STX7: variants seen among roughly 807,000 people sequenced by gnomAD.
The protein encoded by STX7 is syntaxin 7.
A neutral mutation model predicts 39.6 loss-of-function variants in STX7; 34 were observed. The ratio of observed to expected loss-of-function variants is 0.86; its 90% confidence interval spans 0.65 to 1.14. The LOEUF (loss-of-function observed/expected upper bound fraction) is 1.14. Among genes scored for constraint, STX7 ranks in the 50% most tolerant of loss-of-function variants. STX7 has a pLI of 0.00. For synonymous variants in STX7, 119 were observed against 99.1 expected (o/e 1.20, Z -1.19); for missense variants, 284 against 310.4 (o/e 0.92, Z 0.64).
intron 1 of STX7, among the ~76,000 whole-genome samples, chr6:132,512,462 T>G (rs140421411): frequency 2.0e-5 from 3 of 152,202 alleles, no homozygotes; most frequent in African/African-American, 7.2e-5. Flanking sequence ...AATGTCAAAG[T>G]ATGTTAAAGT....
At chr6:132,472,397 T>C in intron 3 of STX7, 22 bp from the exon 4 acceptor site, 1 of 1,578,870 alleles carries the variant, frequency 6.3e-7, no homozygotes. Context: ...AAACACGCAT[T>C]ACAGCCAAAG....
chr6:132,486,855 C>CA (rs1462729221), intron 2 of STX7, among the ~76,000 whole-genome samples: 13 of 152,088 alleles, frequency 8.5e-5, no homozygotes, highest in Admixed American at 7.9e-4. Context: ...TTAGTAGAGA[C>CA]AGAGTTTCAC....
At chr6:132,489,223 A>AG (rs1226163339) in intron 2 of STX7, among the ~76,000 whole-genome samples, 1 of 145,042 alleles carries the variant, frequency 6.9e-6, no homozygotes, top group Admixed American at 6.8e-5. Flanking sequence ...AAAAAAAAAA[A>AG]AAGGATGATA....
intron 2 of STX7, among the ~76,000 whole-genome samples, chr6:132,493,221 C>T (rs972015329): frequency 2.6e-5 from 4 of 152,084 alleles, no homozygotes; most frequent in African/African-American, 4.8e-5. Context: ...CCAAGACTTG[C>T]AGAATAATAT....
rs1429330469 is a variant in STX7 at position 132,459,041 on chromosome 6, A to T, written c.*1717T>A. ...AGCCATGGGGATGGGACTTTAAAAC[A>T]GCGGTAAGACGCTGGTTTATCACCA... On this transcript the variant is annotated 3_prime_UTR_variant, in exon 10 of 10. Coordinates refer to ENST00000367941, the MANE Select transcript of STX7 (RefSeq NM_003569.3). 2 of 152,218 alleles carry T rather than the reference A, an allele frequency of 1.3e-5. No individual in the cohort carries two copies. Among genetic ancestry groups the T allele is most frequent in the African/African-American group, 4.8e-5 (2 of 41,454 alleles). 9.4% of individuals were successfully genotyped at this position (152,218 alleles called of 1,614,324 possible).
rs1774014889 is a variant in STX7, at chr6:132,446,487, T to C, written c.*14271A>G. On this transcript the variant is annotated 3_prime_UTR_variant, in exon 10 of 10. Transcript: ENST00000367941. ...ACAAGAATGAGGTTTTAAGAGATAA[T>C]CTTTGTTTCTAATTAAGTGTGGAAG... 6.6e-6 allele frequency: 1 copy of C among 152,184 alleles called. No individual in the cohort carries two copies. Among genetic ancestry groups the C allele is most frequent in the Non-Finnish European group, 1.5e-5 (1 of 68,036 alleles). The allele number at this position is 152,184 out of a possible 1,614,324, so 9.4% of individuals were successfully genotyped here. A position where few individuals can be genotyped will look rare whatever the true frequency, so the allele number is the denominator to read the frequency against.
intron 2 of STX7, among the ~76,000 whole-genome samples, chr6:132,484,135 C>G (rs1195445322): frequency 6.6e-6 from 1 of 152,192 alleles, no homozygotes; most frequent in African/African-American, 2.4e-5. Flanking sequence ...ATTATTTTTG[C>G]ATTATCTACA....
At chr6:132,506,019 G>C (rs916849811) in intron 1 of STX7, among the ~76,000 whole-genome samples, 1 of 151,948 alleles carries the variant, frequency 6.6e-6, no homozygotes, top group African/African-American at 2.4e-5. Flanking sequence ...AATACATGGT[G>C]CTGGGAAAAT....
At chr6:132,484,726 A>C (rs950767866) in intron 2 of STX7, among the ~76,000 whole-genome samples, 2 of 152,176 alleles carry the variant, frequency 1.3e-5, no homozygotes, top group African/African-American at 4.8e-5. Flanking sequence ...GCCACATCAC[A>C]CTGAGGAAGA....
intron 2 of STX7, among the ~76,000 whole-genome samples, chr6:132,480,741 G>A (rs914297171): frequency 1.2e-4 from 18 of 152,208 alleles, no homozygotes; most frequent in Admixed American, 3.3e-4. Flanking sequence ...ATCCCAAACA[G>A]CAGAGGTGCT....
intron 2 of STX7, among the ~76,000 whole-genome samples, chr6:132,477,511 T>C (rs1359168233): frequency 6.6e-6 from 1 of 152,058 alleles, no homozygotes; most frequent in South Asian, 2.1e-4. Flanking sequence ...TCCCAGCATA[T>C]AGCAAAATAC....
intron 2 of STX7, among the ~76,000 whole-genome samples, chr6:132,495,089 C>G (rs1402912348): frequency 6.6e-6 from 1 of 152,132 alleles, no homozygotes; most frequent in Non-Finnish European, 1.5e-5. Context: ...AGTTCATGTT[C>G]AGGGCAGAAG....
At chr6:132,509,841 T>C (rs1394320559) in intron 1 of STX7, among the ~76,000 whole-genome samples, 1 of 152,230 alleles carries the variant, frequency 6.6e-6, no homozygotes, top group South Asian at 2.1e-4. Context: ...TCTCTGCATA[T>C]AGGCTAAATG....
chr6:132,469,936 C>G lies in STX7; in HGVS notation c.537+15G>C. ...AGACCAGAGCAGCAGCCCAAGTCTA[C>G]AATGTAAGCCTTACTTCAAGTTGCC... is the stretch of plus-strand genomic sequence containing the variant. On this transcript the variant is annotated intron_variant, in intron 7 of 9. Transcript: ENST00000367941. The G allele has an allele frequency of 6.3e-7, 1 of 1,581,576 alleles. No homozygotes were observed. The highest frequency in any genetic ancestry group is 8.6e-7 in the Non-Finnish European group (1 of 1,163,192).
intron 8 of STX7, among the ~76,000 whole-genome samples, chr6:132,467,291 C>G (rs964611277): frequency 8.5e-5 from 13 of 152,176 alleles, no homozygotes; most frequent in Non-Finnish European, 1.9e-4. Flanking sequence ...TTCTCTCTGC[C>G]TGGAACACTT....
intron 7 of STX7, among the ~76,000 whole-genome samples, chr6:132,469,581 T>C (rs890336337): frequency 2.6e-5 from 4 of 152,196 alleles, no homozygotes; most frequent in Admixed American, 6.5e-5. Context: ...CTCACATCTA[T>C]AATCCTAGTA....
chr6:132,497,463 T>C (rs1775445445), intron 2 of STX7, among the ~76,000 whole-genome samples: 1 of 152,236 alleles, frequency 6.6e-6, no homozygotes, highest in African/African-American at 2.4e-5. Flanking sequence ...GTTCTATTTC[T>C]TGACATTTGT....
At position 132,470,603 on chromosome 6, in the gene STX7, T is replaced by G. The variant is rs1330474812; in HGVS notation, c.411A>C (p.Ser137=). Residue 137 remains serine (S), a synonymous_variant, in exon 6 of 10, where the codon TCA becomes TCC. Coordinates refer to ENST00000367941, the MANE Select transcript of STX7 (RefSeq NM_003569.3). ...CCCAGGATACAAGATTCCTTTCTTT[T>G]GAGCTGTCCTCAGGAAAACTGCCCT... ...RVSGSFPEDS[S]KERNLVSWES... is the part of the protein sequence containing the mutation. 6.2e-7 allele frequency: 1 copy of G among 1,609,376 alleles called. No homozygotes were observed.
intron 7 of STX7, 80 bp downstream of exon 7, chr6:132,469,871 C>T: frequency 8.3e-7 from 1 of 1,201,094 alleles, no homozygotes; most frequent in Non-Finnish European, 1.2e-6. Context: ...CTCATGCATT[C>T]TCCCAGCATT....
Sources: gnomAD v4.1 joint callset for allele counts (sites outside exome capture counted in the v4.1 genomes callset) on GRCh38, gnomAD v4.1.1 for gene constraint, MANE v1.5 for transcripts, NCBI Gene and HGNC (gene_info 2026-07-23, HGNC 2026-07-21) for gene names.